The following PTBP3 variants were observed in gnomAD, a reference collection of about 807,000 sequenced individuals.
The protein encoded by PTBP3 is polypyrimidine tract binding protein 3.
In PTBP3, 20 loss-of-function variants were observed where a neutral mutation model predicts 58.7. The observed-to-expected ratio is 0.34, with a 90% CI of 0.24 to 0.50. The LOEUF is 0.50. Ranked by LOEUF, PTBP3 falls within the 20% of genes least tolerant of loss-of-function variation. The pLI is 0.98. For missense variants in PTBP3, 509 were observed against 637.2 expected (o/e 0.80, Z 2.17); for synonymous variants, 185 against 219.8 (o/e 0.84, Z 1.40).
intron 12 of PTBP3, among the ~76,000 whole-genome samples, chr9:112,225,521 T>C (rs772369346): frequency 3.9e-5 from 6 of 152,210 alleles, no homozygotes; most frequent in Non-Finnish European, 7.3e-5. Context: ...AAGCAATTAA[T>C]GTGAATGTAT....
chr9:112,248,904 A>G (rs1835992070), intron 7 of PTBP3, among the ~76,000 whole-genome samples: 1 of 152,220 alleles, frequency 6.6e-6, no homozygotes. Context: ...TATTCTTCCA[A>G]TGGGATACTA....
At chr9:112,317,436 A>G (rs1352788302) in intron 1 of PTBP3, among the ~76,000 whole-genome samples, 6 of 151,778 alleles carry the variant, frequency 4.0e-5, no homozygotes, top group Non-Finnish European at 8.8e-5. Context: ...AAAGCAAATT[A>G]AACTCAATGT....
chr9:112,322,012 G>C (rs1442640934), intron 1 of PTBP3, among the ~76,000 whole-genome samples: 1 of 151,664 alleles, frequency 6.6e-6, no homozygotes, highest in Non-Finnish European at 1.5e-5. Context: ...GCGTGTACCT[G>C]TAGTCTCAGC....
intron 1 of PTBP3, chr9:112,298,579 A>C (rs1272516522): frequency 3.9e-6 from 2 of 510,636 alleles, no homozygotes; most frequent in Admixed American, 4.0e-5. Flanking sequence ...GACAATAAAT[A>C]CTATGTACAA....
intron 2 of PTBP3, among the ~76,000 whole-genome samples, chr9:112,287,637 A>G (rs1249800953): frequency 6.6e-6 from 1 of 152,044 alleles, no homozygotes; most frequent in Non-Finnish European, 1.5e-5. Flanking sequence ...CACCACGCCC[A>G]GCCTTCAGTT....
intron 1 of PTBP3, among the ~76,000 whole-genome samples, chr9:112,305,622 T>C (rs533919779): frequency 6.6e-6 from 1 of 152,274 alleles, no homozygotes; most frequent in African/African-American, 2.4e-5. Flanking sequence ...TGCGTCCTTT[T>C]CCTCTAGCAA....
rs150693331 is a variant in PTBP3 at position 112,245,787 on chromosome 9, C to T, written c.802+5142G>A. On this transcript the variant is annotated intron_variant, in intron 7 of 13. Transcript: ENST00000374257. ...CAAAAGGCCACAGAGCCAGTGTGAA[C>T]GGGCTCCTACTGGCCAAATCAGGGG... Among the ~76,000 whole-genome samples the T allele has an allele frequency of 2.5e-3, 373 of 152,128 alleles. 2 individuals are homozygous for T. The highest frequency in any genetic ancestry group is 8.5e-3 in the African/African-American group (351 of 41,512).
rs1289488363 is a variant in PTBP3 at position 112,221,220 on chromosome 9, T to C, written c.*2631A>G. 2 of 984,866 alleles carry C rather than the reference T, an allele frequency of 2.0e-6. No individual in the cohort carries two copies. Among genetic ancestry groups the C allele is most frequent in the Admixed American group, 6.2e-5 (1 of 16,248 alleles). The allele number at this position is 984,866 out of a possible 1,614,324, so 61.0% of individuals were successfully genotyped here. A position where few individuals can be genotyped will look rare whatever the true frequency, so the allele number is the denominator to read the frequency against. On this transcript the variant is annotated 3_prime_UTR_variant, in exon 14 of 14. Transcript: ENST00000374257. Reference sequence around the variant, plus strand: ...AATTAAAATGTATGTAATGTGCATATGTATATACAACTTTAGAAGAGTGTA... The same window carrying C: ...AATTAAAATGTATGTAATGTGCATACGTATATACAACTTTAGAAGAGTGTA...
intron 11 of PTBP3, 34 bp from the exon 12 acceptor site, chr9:112,227,661 T>TA: frequency 1.3e-6 from 2 of 1,499,414 alleles, no homozygotes; most frequent in Non-Finnish European, 1.9e-6. Context: ...AAAGTTTGAG[T>TA]ATTAGGATAG....
chr9:112,242,608 C>G (rs930596801), intron 7 of PTBP3: 1 of 152,358 alleles, frequency 6.6e-6, no homozygotes, highest in Non-Finnish European at 1.5e-5. Context: ...CACAGGCACA[C>G]TACCACTACT....
the PTBP3 span, among the ~76,000 whole-genome samples, chr9:112,354,507 C>A: frequency 1.3e-5 from 2 of 152,150 alleles, no homozygotes; most frequent in African/African-American, 4.8e-5. Flanking sequence ...CTCCATACCA[C>A]CCCCCTGGGG....
chr9:112,262,487 C>T lies in PTBP3; in HGVS notation c.464G>A (p.Arg155Gln). The T allele has an allele frequency of 6.2e-7, 1 of 1,609,736 alleles. No homozygotes were observed. Among genetic ancestry groups the T allele is most frequent in the Non-Finnish European group, 8.5e-7 (1 of 1,178,542 alleles). ...GTAAAAGAGGTTTTCAATAATTATT[C>T]GAAGCACAGGGCTCTGCCCAGGTAG... is the stretch of plus-strand genomic sequence containing the variant. ...TVLPGQSPVL[R>Q]IIIENLFYPV... The change falls in exon 5 of 14, where the codon CGA (arginine) becomes CAA (glutamine). Residue 155 changes from arginine to glutamine, a missense_variant. By Grantham distance (43) the Arg-to-Gln change is conservative (BLOSUM62 1). Transcript: ENST00000374257.
chr9:112,255,207 G>C (rs765478576), intron 5 of PTBP3, among the ~76,000 whole-genome samples: 12 of 152,120 alleles, frequency 7.9e-5, no homozygotes, highest in Non-Finnish European at 1.5e-4. Context: ...GGGGCTAGGA[G>C]AGTAGATGAA....
At chr9:112,235,020 C>CT (rs1347675663) in intron 7 of PTBP3, 123 bp from the exon 8 acceptor site, 11 of 759,246 alleles carry the variant, frequency 1.4e-5, no homozygotes, top group East Asian at 1.4e-4. Flanking sequence ...GAGTAAAGAT[C>CT]TGTTCAACAA....
At chr9:112,272,187 C>T (rs1827417529) in intron 3 of PTBP3, among the ~76,000 whole-genome samples, 1 of 152,026 alleles carries the variant, frequency 6.6e-6, no homozygotes, top group Non-Finnish European at 1.5e-5. Flanking sequence ...CTCAGCCTCC[C>T]AAGTGGCTGG....
At chr9:112,277,877 ATAACG>A (rs1022780349) in intron 2 of PTBP3, among the ~76,000 whole-genome samples, 6 of 140,478 alleles carry the variant, frequency 4.3e-5, no homozygotes, top group African/African-American at 5.3e-5. Context: ...CTGTCTCAAA[ATAACG>A]TAACATAACA....
At chr9:112,320,314 A>ATTTTTT (rs67226574) in intron 1 of PTBP3, among the ~76,000 whole-genome samples, 76 of 75,572 alleles carry the variant, frequency 1.0e-3, no homozygotes, top group South Asian at 1.5e-3. Context: ...ATATATATAT[A>ATTTTTT]TTTTTTTTTA....
chr9:112,369,135 A>T, the PTBP3 span, among the ~76,000 whole-genome samples: 2 of 152,258 alleles, frequency 1.3e-5, no homozygotes, highest in Non-Finnish European at 2.9e-5. Context: ...CAGAGCCCTC[A>T]TGGAGAACCT....
the PTBP3 span, among the ~76,000 whole-genome samples, chr9:112,367,707 G>A: frequency 2.0e-5 from 3 of 152,028 alleles, no homozygotes; most frequent in South Asian, 2.1e-4. Flanking sequence ...CTTTTCTCTT[G>A]CTGCTTTCAA....
Sources: allele counts gnomAD v4.1 joint callset (sites outside exome capture counted in the v4.1 genomes callset), GRCh38; gene constraint gnomAD v4.1.1; transcripts MANE v1.5; gene names NCBI Gene and HGNC (gene_info 2026-07-23, HGNC 2026-07-21).